SCHIP1: variants seen among roughly 807,000 people sequenced by gnomAD.
SCHIP1 encodes the protein schwannomin-interacting protein 1.
A neutral mutation model predicts 29.7 loss-of-function variants in SCHIP1; 8 were observed. That is an observed-to-expected ratio of 0.27 (90% CI 0.16 to 0.49). The LOEUF is 0.49. Among genes scored for constraint, SCHIP1 ranks in the 20% least tolerant of loss-of-function variants. SCHIP1 has a pLI of 0.99. For synonymous variants in SCHIP1, 76 were observed against 94.9 expected (o/e 0.80, Z 1.16); for missense variants, 193 against 294.6 (o/e 0.66, Z 2.52).
chr3:159,501,736 A>G, the SCHIP1 span, among the ~76,000 whole-genome samples: 1 of 152,148 alleles, frequency 6.6e-6, no homozygotes, highest in Non-Finnish European at 1.5e-5. Flanking sequence ...AGTACCTACT[A>G]TTTTTCCTAG....
the SCHIP1 span, among the ~76,000 whole-genome samples, chr3:159,396,735 T>C: frequency 6.6e-6 from 1 of 151,838 alleles, no homozygotes; most frequent in African/African-American, 2.4e-5. Flanking sequence ...CCGACCTTTC[T>C]CTCTGGCTGC....
At chr3:159,274,387 TA>T in the SCHIP1 span, 1 of 970,418 alleles carries the variant, frequency 1.0e-6, no homozygotes, top group African/African-American at 1.8e-5. Flanking sequence ...TTTGATGACT[TA>T]AAAAATCTCA....
chr3:159,418,189 A>G, the SCHIP1 span, among the ~76,000 whole-genome samples: 1 of 152,200 alleles, frequency 6.6e-6, no homozygotes, highest in East Asian at 1.9e-4. Context: ...ACTGCAAAAT[A>G]TTCCATTGTG....
chr3:159,809,424 T>G, the SCHIP1 span, among the ~76,000 whole-genome samples: 1 of 152,154 alleles, frequency 6.6e-6, no homozygotes, highest in African/African-American at 2.4e-5. Flanking sequence ...TCTTTGCTAT[T>G]GTGAATAGTG....
At chr3:159,764,059 A>C in the SCHIP1 span, 1 of 168,934 alleles carries the variant, frequency 5.9e-6, no homozygotes, top group Non-Finnish European at 1.3e-5. This position sits in a 1 kb window ranked among gnomAD's most constrained non-coding sequence, Gnocchi z 6.1. Flanking sequence ...GCCCCCAGGG[A>C]ATTATAATTT....
chr3:159,330,598 T>C, the SCHIP1 span, among the ~76,000 whole-genome samples: 1 of 152,218 alleles, frequency 6.6e-6, no homozygotes, highest in African/African-American at 2.4e-5. Context: ...TAATCTTATA[T>C]GATTATTTTT....
At chr3:159,891,982 A>G (rs1440173252) in intron 5 of SCHIP1, 115 bp from the exon 7 acceptor site, 5 of 1,214,130 alleles carry the variant, frequency 4.1e-6, no homozygotes, top group South Asian at 1.7e-5. Flanking sequence ...ACCTTTTACA[A>G]AAATATCTTT....
the SCHIP1 span, among the ~76,000 whole-genome samples, chr3:159,817,083 CT>C: frequency 6.6e-6 from 1 of 152,022 alleles, no homozygotes; most frequent in Non-Finnish European, 1.5e-5. Context: ...CTCTGTATTC[CT>C]TGAGCCTGTT....
At chr3:159,408,267 C>T in the SCHIP1 span, among the ~76,000 whole-genome samples, 4,152 of 151,908 alleles carry the variant, frequency 0.027, 72 homozygotes, top group East Asian at 0.11. Context: ...CACTGCACTC[C>T]GGCCTGGGCA....
chr3:159,535,296 C>G, the SCHIP1 span, among the ~76,000 whole-genome samples: 1,885 of 152,306 alleles, frequency 0.012, 13 homozygotes, highest in Middle Eastern at 0.024. Flanking sequence ...ACCAGCCCAT[C>G]ATTCTTCTAC....
chr3:159,529,318 G>A, the SCHIP1 span, among the ~76,000 whole-genome samples: 2 of 152,150 alleles, frequency 1.3e-5, no homozygotes, highest in Non-Finnish European at 2.9e-5. Context: ...TTGAAAAAAT[G>A]TTAAGTCAAA....
At chr3:159,649,464 A>G in the SCHIP1 span, among the ~76,000 whole-genome samples, 1 of 152,226 alleles carries the variant, frequency 6.6e-6, no homozygotes, top group Non-Finnish European at 1.5e-5. Context: ...GAATAAAAAC[A>G]GCGAAAGAAC....
At chr3:159,736,736 C>CT in the SCHIP1 span, among the ~76,000 whole-genome samples, 7,833 of 141,648 alleles carry the variant, frequency 0.055, 258 homozygotes, top group Non-Finnish European at 0.083. Flanking sequence ...AGCCCATATT[C>CT]TTTTTTTTTT....
At chr3:159,371,798 T>C in the SCHIP1 span, among the ~76,000 whole-genome samples, 2 of 152,190 alleles carry the variant, frequency 1.3e-5, no homozygotes, top group African/African-American at 4.8e-5. Flanking sequence ...GTAGATATTA[T>C]ACTGTTTCAT....
the SCHIP1 span, among the ~76,000 whole-genome samples, chr3:159,576,526 C>G: frequency 6.6e-6 from 1 of 152,086 alleles, no homozygotes; most frequent in East Asian, 1.9e-4. Flanking sequence ...TTTTGAGCCT[C>G]TAGTCATTTA....
At chr3:159,416,957 GA>G in the SCHIP1 span, among the ~76,000 whole-genome samples, 4 of 152,204 alleles carry the variant, frequency 2.6e-5, no homozygotes, top group Non-Finnish European at 5.9e-5. Flanking sequence ...GTGGATCCCT[GA>G]CAGAAAGCTG....
chr3:159,816,847 G>A, the SCHIP1 span, among the ~76,000 whole-genome samples: 3 of 151,626 alleles, frequency 2.0e-5, no homozygotes, highest in African/African-American at 7.2e-5. Flanking sequence ...TGCCTGAAAT[G>A]TTTTGTCCAC....
the SCHIP1 span, among the ~76,000 whole-genome samples, chr3:159,676,715 T>A: frequency 6.6e-6 from 1 of 152,086 alleles, no homozygotes; most frequent in Non-Finnish European, 1.5e-5. Context: ...GCTGGAGTAG[T>A]CTACGACTGA....
At chr3:159,606,058 A>G in the SCHIP1 span, among the ~76,000 whole-genome samples, 1 of 152,126 alleles carries the variant, frequency 6.6e-6, no homozygotes, top group South Asian at 2.1e-4. Flanking sequence ...TTCTTACATG[A>G]ATCTCCCCAG....
Sources: gnomAD v4.1 joint callset for allele counts (sites outside exome capture counted in the v4.1 genomes callset) on GRCh38, gnomAD v4.1.1 for gene constraint, Gnocchi (gnomAD v3.1) non-coding constraint, MANE v1.5 for transcripts, NCBI Gene and HGNC (gene_info 2026-07-23, HGNC 2026-07-21) for gene names.